THADA: variants seen among roughly 807,000 people sequenced by gnomAD.
THADA encodes THADA armadillo repeat containing.
In THADA, 213 loss-of-function variants were observed where a neutral mutation model predicts 219.8. The observed-to-expected ratio is 0.97, with a 90% CI of 0.87 to 1.09. THADA has a LOEUF of 1.09. Among genes scored for constraint, THADA ranks in the 50% least tolerant of loss-of-function variants. The probability of loss-of-function intolerance (pLI) is 0.00; values close to 1 mark genes in which losing one functional copy is unlikely to be tolerated. For synonymous variants in THADA, 1,018 were observed against 828.9 expected, an observed-to-expected ratio of 1.23 and a Z score of -3.92; for missense variants, 2,956 against 2,311.3, an observed-to-expected ratio of 1.28 and a Z score of -5.72.
At chr2:43,528,242 T>G (rs1333204941) in intron 21 of THADA, among the ~76,000 whole-genome samples, 1 of 148,060 alleles carries the variant, frequency 6.8e-6, no homozygotes, top group Admixed American at 6.8e-5. Flanking sequence ...GTGATTCTCC[T>G]GCCTCAGCCT....
At chr2:43,509,676 CAG>C (rs1240240437) in intron 22 of THADA, among the ~76,000 whole-genome samples, 1 of 151,882 alleles carries the variant, frequency 6.6e-6, no homozygotes, top group Non-Finnish European at 1.5e-5. Flanking sequence ...TGGTGTAAAA[CAG>C]ATAACTTCAG....
chr2:43,272,376 T>C (rs1672226453), intron 36 of THADA, among the ~76,000 whole-genome samples: 1 of 152,078 alleles, frequency 6.6e-6, no homozygotes, highest in South Asian at 2.1e-4. Flanking sequence ...CGAACAAAAA[T>C]AGAGGCAGGA....
chr2:43,294,565 C>G (rs1238322261), intron 31 of THADA, among the ~76,000 whole-genome samples: 2 of 152,130 alleles, frequency 1.3e-5, no homozygotes, highest in African/African-American at 4.8e-5. Context: ...TACAGAAAGC[C>G]TCCTAGACAA....
At chr2:43,575,051 C>A (rs202148410) in intron 10 of THADA, 24 bp from the exon 11 acceptor site, 10 of 1,553,514 alleles carry the variant, frequency 6.4e-6, no homozygotes, top group Non-Finnish European at 8.7e-6. Context: ...AGCCATGAGC[C>A]ATTATTGTAA....
intron 16 of THADA, 125 bp downstream of exon 16, chr2:43,560,109 G>T: frequency 1.3e-6 from 1 of 786,500 alleles, no homozygotes; most frequent in Non-Finnish European, 1.9e-6. Context: ...AATGATAACT[G>T]AAAGAAACAG....
At chr2:43,552,108 A>ACTGCAT in intron 18 of THADA, 96 bp downstream of exon 18, 1 of 1,531,218 alleles carries the variant, frequency 6.5e-7, no homozygotes, top group Non-Finnish European at 8.7e-7. Flanking sequence ...TCAAAGCAAT[A>ACTGCAT]GACTGCATTC....
chr2:43,584,459 C>T (rs528294881), intron 7 of THADA, among the ~76,000 whole-genome samples: 22 of 151,960 alleles, frequency 1.4e-4, no homozygotes, highest in African/African-American at 5.3e-4. Flanking sequence ...AAAGAAGAGC[C>T]AAAAAGGAGA....
chr2:43,307,931 CATATG>C (rs1405472699), intron 31 of THADA, among the ~76,000 whole-genome samples: 1 of 152,114 alleles, frequency 6.6e-6, no homozygotes. Context: ...ACACCTGCTA[CATATG>C]GTCAAGAATC....
intron 28 of THADA, among the ~76,000 whole-genome samples, chr2:43,406,430 T>A (rs1675542247): frequency 6.6e-6 from 1 of 152,264 alleles, no homozygotes; most frequent in South Asian, 2.1e-4. Context: ...ACATTTCATT[T>A]GAAATTTCAT....
intron 29 of THADA, among the ~76,000 whole-genome samples, chr2:43,381,068 A>G (rs1671955702): frequency 1.5e-5 from 2 of 137,842 alleles, no homozygotes; most frequent in African/African-American, 5.5e-5. Flanking sequence ...ACTACACTCC[A>G]GCCCGGGCGA....
At chr2:43,587,940 C>G (rs1282740341) in intron 4 of THADA, among the ~76,000 whole-genome samples, 1 of 152,058 alleles carries the variant, frequency 6.6e-6, no homozygotes, top group Admixed American at 6.6e-5. Flanking sequence ...TTAAATATAA[C>G]TGGACAGTTC....
intron 30 of THADA, 50 bp downstream of exon 30, chr2:43,344,072 T>C: frequency 1.5e-6 from 2 of 1,337,684 alleles, no homozygotes; most frequent in Non-Finnish European, 2.1e-6. Context: ...AATTCTCAAA[T>C]GTATTCCTAA....
Position 43,592,370 on chromosome 2 carries a change from T to C in THADA, c.23A>G (p.Glu8Gly). 6.2e-7 allele frequency: 1 copy of C among 1,604,962 alleles called. No individual in the cohort carries two copies. The highest frequency in any genetic ancestry group is 1.1e-5 in the South Asian group (1 of 88,936). Residue 8 changes from glutamate to glycine, a missense_variant, in exon 2 of 38, where the codon GAA becomes GGA. Glu to Gly is a moderately conservative substitution (Grantham distance 98). Coordinates refer to ENST00000405975, the MANE Select transcript of THADA (RefSeq NM_022065.5). MGVKKKK[E>G]MQVAALTICH... Reference sequence around the variant, plus strand: ...AATGGTCAGCGCAGCAACTTGCATTTCTTTCTTCTTCTTTACACCCATTTT... The same window carrying C: ...AATGGTCAGCGCAGCAACTTGCATTCCTTTCTTCTTCTTTACACCCATTTT...
chr2:43,553,208 A>G (rs534244375), intron 17 of THADA, among the ~76,000 whole-genome samples: 3 of 152,304 alleles, frequency 2.0e-5, no homozygotes, highest in African/African-American at 7.2e-5. Flanking sequence ...GTTGCTATAA[A>G]CATTCTTGTA....
chr2:43,268,459 T>G (rs1031441930), intron 36 of THADA, among the ~76,000 whole-genome samples: 17 of 152,310 alleles, frequency 1.1e-4, no homozygotes, highest in South Asian at 2.1e-4. Flanking sequence ...CCACTCTCCA[T>G]TCTGCTCTTC....
rs1573621616 is a variant in THADA at position 43,433,064 on chromosome 2, C to A, written c.3837-2762G>T. ...CCTACCTAAGAAAGATATCGTATAT[C>A]TTCCTCTAGAAGCTTTATGGTTTTA... On this transcript the variant is annotated intron_variant, in intron 26 of 37. Transcript: ENST00000405975. Among the ~76,000 whole-genome samples, 4 of 152,230 alleles carry A rather than the reference C, an allele frequency of 2.6e-5. 1 individual carries two copies. The South Asian group carries it at 8.3e-4, about 32-fold the overall frequency.
In THADA at chr2:43,574,357, T is replaced by G. The variant is rs1378788540; in HGVS notation, c.1708A>C (p.Thr570Pro). 6 of 1,576,034 alleles carry G rather than the reference T, an allele frequency of 3.8e-6. No homozygotes were observed. The African/African-American group carries it at 8.2e-5, about 22-fold the overall frequency. Residue 570 changes from threonine (T) to proline (P), a missense_variant, in exon 11 of 38, where the codon ACT becomes CCT. Physicochemically the swap from Thr to Pro is conservative, Grantham distance 38. Transcript: ENST00000405975. ...TTACCAGTTTTAGCATCAATAGAAG[T>G]CTGAAGAATCTTTACCATGTACTGT... The part of the protein sequence containing the change: ...SLQYMVKILQ[T>P]SIDAKTGQEQ...
chr2:43,261,465 T>TTGCTCTGTCGCCCAGGCTGGACTGC lies in THADA; in HGVS notation c.5296+18275_5296+18299dup, dbSNP rs1233234098. The stretch of plus-strand genomic sequence containing the variant: ...GCTTTTTTTTGTTTGAGACAGAGTC[T>TTGCTCTGTCGCCCAGGCTGGACTGC]TGCTCTGTCGCCCAGGCTGGACTGC... On this transcript the variant is annotated intron_variant, in intron 36 of 37. Coordinates refer to ENST00000405975, the MANE Select transcript of THADA (RefSeq NM_022065.5). Among the ~76,000 whole-genome samples the TTGCTCTGTCGCCCAGGCTGGACTGC allele has an allele frequency of 8.6e-5, 13 of 151,624 alleles. No individual in the cohort carries two copies. The South Asian group carries it at 2.5e-3, about 29-fold the overall frequency.
intron 25 of THADA, among the ~76,000 whole-genome samples, chr2:43,488,054 A>C (rs979835545): frequency 4.6e-5 from 7 of 152,102 alleles, no homozygotes; most frequent in African/African-American, 1.7e-4. Context: ...CTATTTGGTT[A>C]CCCTGTTCAT....
Sources: gnomAD v4.1 joint callset for allele counts (sites outside exome capture counted in the v4.1 genomes callset) on GRCh38, gnomAD v4.1.1 for gene constraint, MANE v1.5 for transcripts, NCBI Gene and HGNC (gene_info 2026-07-23, HGNC 2026-07-21) for gene names.